Variants in FOXK2 observed in about 807,000 individuals in gnomAD.
The protein encoded by FOXK2 is forkhead box protein K2.
Under a neutral mutation model 53.3 loss-of-function variants are expected in FOXK2, and 24 were observed. That is an observed-to-expected ratio of 0.45 (90% CI 0.33 to 0.63). The LOEUF is 0.63. Ranked by LOEUF, FOXK2 falls within the 30% of genes least tolerant of loss-of-function variation. FOXK2 has a pLI of 0.03. For synonymous variants in FOXK2, 505 were observed against 407.1 expected, an observed-to-expected ratio of 1.24 and a Z score of -2.89; for missense variants, 952 against 910.5, an observed-to-expected ratio of 1.05 and a Z score of -0.59.
intron 1 of FOXK2, among the ~76,000 whole-genome samples, chr17:82,530,306 C>G (rs1029490842): frequency 6.6e-6 from 1 of 151,926 alleles, no homozygotes; most frequent in African/African-American, 2.4e-5. Context: ...GCCTGACCAA[C>G]ATGGAGAAAC....
intron 1 of FOXK2, among the ~76,000 whole-genome samples, chr17:82,545,997 TTCTC>T (rs2044621264): frequency 6.6e-6 from 1 of 152,172 alleles, no homozygotes; most frequent in South Asian, 2.1e-4. Flanking sequence ...TTTTGACATT[TTCTC>T]TCTTTTTTAT....
intron 2 of FOXK2, among the ~76,000 whole-genome samples, chr17:82,567,068 C>T (rs982484796): frequency 3.9e-5 from 6 of 152,152 alleles, no homozygotes; most frequent in Non-Finnish European, 8.8e-5. Context: ...AGAAGCACTG[C>T]AGAGGGTACA....
At position 82,586,001 on chromosome 17, in the gene FOXK2, C is replaced by A; in HGVS notation, c.1377C>A (p.Thr459=). The change falls in exon 7 of 9, where the codon ACC becomes ACA. Residue 459 remains threonine, a synonymous_variant. Coordinates refer to ENST00000335255, the MANE Select transcript of FOXK2 (RefSeq NM_004514.4). ...PVTYTVATPV[T]TSTSQPPVVQ... ...CCTACACTGTGGCCACCCCAGTGAC[C>A]ACCTCGACCTCCCAGCCACCCGTCG... 19 of 1,612,820 alleles carry A rather than the reference C, an allele frequency of 1.2e-5. No homozygotes were observed. Among genetic ancestry groups the A allele is most frequent in the Non-Finnish European group, 1.6e-5 (19 of 1,179,972 alleles).
chr17:82,563,750 C>CTTTTTTTTTTTT (rs1567975420), intron 2 of FOXK2, among the ~76,000 whole-genome samples: 1 of 94,616 alleles, frequency 1.1e-5, no homozygotes, highest in Non-Finnish European at 2.2e-5. Flanking sequence ...TTACTCATTC[C>CTTTTTTTTTTTT]CTTTTTTTTT....
intron 1 of FOXK2, among the ~76,000 whole-genome samples, chr17:82,559,040 C>A (rs1352145078): frequency 6.6e-6 from 1 of 152,138 alleles, no homozygotes; most frequent in Non-Finnish European, 1.5e-5. Context: ...TGAGCCACTG[C>A]GCCTGGCCCA....
intron 8 of FOXK2, among the ~76,000 whole-genome samples, chr17:82,592,320 T>C (rs1316207824): frequency 6.6e-6 from 1 of 152,234 alleles, no homozygotes; most frequent in Non-Finnish European, 1.5e-5. Context: ...GGCTCACATA[T>C]TGACTCCTCC....
At chr17:82,585,194 G>C (rs1478805540) in intron 6 of FOXK2, 2 of 152,330 alleles carry the variant, frequency 1.3e-5, no homozygotes, top group African/African-American at 2.4e-5. Context: ...GGTGCCAGAG[G>C]CTCTGTGACA....
rs141530583 is a variant in FOXK2, at chr17:82,586,038, C to A, written c.1414C>A (p.His472Asn). 6.2e-7 allele frequency: 1 copy of A among 1,612,702 alleles called. No homozygotes were observed. Among genetic ancestry groups the A allele is most frequent in the African/African-American group, 1.3e-5 (1 of 74,928 alleles). Residue 472 changes from histidine (H) to asparagine (N), a missense_variant, in exon 7 of 9, where the codon CAC becomes AAC. Coordinates refer to ENST00000335255, the MANE Select transcript of FOXK2 (RefSeq NM_004514.4). ...CCAGCCACCCGTCGTGCAGACGGTTCACGTCGTCCACCAGATCCCAGCGGT... is the reference window on the plus strand; with the variant it reads ...CCAGCCACCCGTCGTGCAGACGGTTAACGTCGTCCACCAGATCCCAGCGGT... Reference protein sequence around the residue: ...TSQPPVVQTVHVVHQIPAVSV... With the variant: ...TSQPPVVQTVNVVHQIPAVSV...
intron 1 of FOXK2, among the ~76,000 whole-genome samples, chr17:82,536,266 TA>T (rs1454998721): frequency 2.0e-5 from 3 of 152,204 alleles, no homozygotes; most frequent in Admixed American, 6.5e-5. Context: ...TTCCCCAGAA[TA>T]GTTTCTGTCA....
chr17:82,554,354 A>G (rs1234533178), intron 1 of FOXK2, among the ~76,000 whole-genome samples: 1 of 152,202 alleles, frequency 6.6e-6, no homozygotes, highest in Non-Finnish European at 1.5e-5. Flanking sequence ...TGGAGTCCTT[A>G]GAGCTTCTTC....
At position 82,567,891 on chromosome 17, in the gene FOXK2, T is replaced by A. The variant is rs117101735; in HGVS notation, c.615-163T>A. Among the ~76,000 whole-genome samples the A allele has an allele frequency of 3.1e-4, 47 of 151,796 alleles. 1 individual carries two copies. The East Asian group carries it at 8.4e-3, about 27-fold the overall frequency. On this transcript the variant is annotated intron_variant, in intron 2 of 8. Transcript: ENST00000335255. Reference sequence around the variant, plus strand: ...AAATTTCACAGATCATTTATAAGAATCTGTGTTTCCATAGGAAATGCTGAT... The same window carrying A: ...AAATTTCACAGATCATTTATAAGAAACTGTGTTTCCATAGGAAATGCTGAT...
chr17:82,548,043 C>CTA (rs2144086341), intron 1 of FOXK2, among the ~76,000 whole-genome samples: 1 of 152,350 alleles, frequency 6.6e-6, no homozygotes, highest in African/African-American at 2.4e-5. Context: ...GGCTGACTGT[C>CTA]TAGACAGTGT....
At chr17:82,598,124 G>A (rs1451056735) in intron 8 of FOXK2, among the ~76,000 whole-genome samples, 5 of 146,060 alleles carry the variant, frequency 3.4e-5, no homozygotes, top group East Asian at 1.9e-4. Flanking sequence ...GTTTGAAACC[G>A]TATTGTTGAC....
intron 1 of FOXK2, among the ~76,000 whole-genome samples, chr17:82,548,445 A>G (rs1387647528): frequency 6.6e-6 from 1 of 152,052 alleles, no homozygotes; most frequent in Non-Finnish European, 1.5e-5. Flanking sequence ...GGCCATTTCT[A>G]TGTCATCTGT....
intron 1 of FOXK2, among the ~76,000 whole-genome samples, chr17:82,560,686 CGTTGTCTTA>C (rs1348202347): frequency 1.3e-5 from 2 of 152,282 alleles, no homozygotes; most frequent in East Asian, 3.9e-4. Context: ...ACCAAAAGAT[CGTTGTCTTA>C]AATATATCAT....
chr17:82,577,117 G>A (rs1293498227), intron 4 of FOXK2: 5 of 558,846 alleles, frequency 8.9e-6, no homozygotes, highest in South Asian at 1.8e-5. Flanking sequence ...AGCTGATACC[G>A]CGTCATTGCA....
intron 1 of FOXK2, among the ~76,000 whole-genome samples, chr17:82,540,220 G>A (rs1193864277): frequency 6.6e-6 from 1 of 151,958 alleles, no homozygotes; most frequent in Non-Finnish European, 1.5e-5. Context: ...GGTGGAAATT[G>A]CGGTGAGCCG....
At chr17:82,601,046 C>A in intron 8 of FOXK2, 1 of 455,900 alleles carries the variant, frequency 2.2e-6, no homozygotes, top group South Asian at 4.3e-5. Context: ...GTCCGCTAAT[C>A]AGGCAGTTCA....
chr17:82,588,637 C>T (rs1304363329), intron 8 of FOXK2, among the ~76,000 whole-genome samples: 3 of 152,226 alleles, frequency 2.0e-5, no homozygotes, highest in East Asian at 1.9e-4. Flanking sequence ...CCAGAGTTCC[C>T]GACTAGGCCT....
Sources: gnomAD v4.1 joint callset for allele counts (sites outside exome capture counted in the v4.1 genomes callset) on GRCh38, gnomAD v4.1.1 for gene constraint, MANE v1.5 for transcripts, NCBI Gene and HGNC (gene_info 2026-07-23, HGNC 2026-07-21) for gene names.